The following ZNF699 variants were observed in gnomAD, a reference collection of about 807,000 sequenced individuals.
The protein encoded by ZNF699 is zinc finger protein 699.
In ZNF699, 18 loss-of-function variants were observed where a neutral mutation model predicts 22.5. That is an observed-to-expected ratio of 0.80 (90% confidence interval 0.55 to 1.19). ZNF699 has a LOEUF of 1.19. ZNF699 is among the 50% of genes most tolerant of loss of function. ZNF699 has a pLI of 0.00. For missense variants in ZNF699, 670 were observed against 763.4 expected, an observed-to-expected ratio of 0.88 and a Z score of 1.44; for synonymous variants, 241 against 262.3, an observed-to-expected ratio of 0.92 and a Z score of 0.78.
rs776819796 is a variant in ZNF699, at chr19:9,296,035, T to C, written c.1369A>G (p.Ser457Gly). ...YECKECGKAF[S>G]CPSSFRAHVR... ...TGTGCTCTAAAGGACGAGGGACAACTAAAGGCCTTCCCACATTCCTTACAT... is the reference window on the plus strand; with the variant it reads ...TGTGCTCTAAAGGACGAGGGACAACCAAAGGCCTTCCCACATTCCTTACAT... The change falls in exon 6 of 6, where the codon AGT (serine) becomes GGT (glycine). Residue 457 changes from serine (S) to glycine (G), a missense_variant. Physicochemically the swap from Ser to Gly is moderately conservative, Grantham distance 56. Coordinates refer to ENST00000591998, the MANE Select transcript of ZNF699 (RefSeq NM_198535.3). 3.7e-6 allele frequency: 6 copies of C among 1,613,262 alleles called. No homozygotes were observed. Among genetic ancestry groups the C allele is most frequent in the Non-Finnish European group, 4.2e-6 (5 of 1,179,740 alleles).
In ZNF699 at chr19:9,309,588, C is replaced by G. The variant is rs2066339803; in HGVS notation, c.-244G>C. 1 of 152,408 alleles carries G rather than the reference C, an allele frequency of 6.6e-6. No individual in the cohort carries two copies. Among genetic ancestry groups the G allele is most frequent in the Non-Finnish European group, 1.5e-5 (1 of 68,188 alleles). 9.4% of individuals were successfully genotyped at this position (152,408 alleles called of 1,614,324 possible). A position where few individuals can be genotyped will look rare whatever the true frequency, so the allele number is the denominator to read the frequency against. On this transcript the variant is annotated 5_prime_UTR_variant, in exon 1 of 6. Coordinates refer to ENST00000591998, the MANE Select transcript of ZNF699 (RefSeq NM_198535.3). ...TTGGGACCAGCCGCGGCCACAGGGGCAGCTGACCCGGGCTCTCTGAGGAGG... is the reference window on the plus strand; with the variant it reads ...TTGGGACCAGCCGCGGCCACAGGGGGAGCTGACCCGGGCTCTCTGAGGAGG...
At chr19:9,300,706 T>C (rs1345135915) in intron 3 of ZNF699, among the ~76,000 whole-genome samples, 2 of 152,230 alleles carry the variant, frequency 1.3e-5, no homozygotes, top group Non-Finnish European at 2.9e-5. Context: ...ACATACTGCA[T>C]GATTCCAACT....
chr19:9,295,853 G>A lies in ZNF699; in HGVS notation c.1551C>T (p.His517=), dbSNP rs771805769. 3 of 1,614,006 alleles carry A rather than the reference G, an allele frequency of 1.9e-6. No individual in the cohort carries two copies. Among genetic ancestry groups the A allele is most frequent in the South Asian group, 2.2e-5 (2 of 91,070 alleles). ...TGTGAGTTCTGATATGTACTGTAAG[G>A]TGGGAGGAACTAATAAAGGCTTTCC... ...ECGKAFISSS[H]LTVHIRTHTG... The change falls in exon 6 of 6, where the codon CAC becomes CAT. Residue 517 remains histidine, a synonymous_variant. Transcript: ENST00000591998.
chr19:9,297,852 C>A lies in ZNF699; in HGVS notation c.286+28G>T, dbSNP rs767700729. The A allele has an allele frequency of 2.6e-6, 4 of 1,557,534 alleles. No individual in the cohort carries two copies. In the East Asian group the frequency reaches 6.7e-5, roughly 26 times the overall value. ...CTTTAAGTTTATTTTTTCCCCCAAC[C>A]AAAACAGTTTCTCCCAAGGGTTCTT... On this transcript the variant is annotated intron_variant, in intron 4 of 5. Coordinates refer to ENST00000591998, the MANE Select transcript of ZNF699 (RefSeq NM_198535.3). This position sits in a 1 kb window ranked among gnomAD's most constrained non-coding sequence, Gnocchi z 4.3.
In ZNF699 at chr19:9,295,665, ATTC is replaced by A. The variant is rs759966706; in HGVS notation, c.1736_1738del (p.Arg579del). 1 of 1,613,430 alleles carries A rather than the reference ATTC, an allele frequency of 6.2e-7. No homozygotes were observed. The highest frequency in any genetic ancestry group is 8.5e-7 in the Non-Finnish European group (1 of 1,179,856). On this transcript the variant is annotated inframe_deletion, in exon 6 of 6. Transcript: ENST00000591998. Reference sequence around the variant, plus strand: ...TTCAAAGGGTTTCTCTCCAGTGTGCATTCTTGCATGTACAGTAAGGTATGAAGA... The same window carrying A: ...TTCAAAGGGTTTCTCTCCAGTGTGCATTGCATGTACAGTAAGGTATGAAGA...
At chr19:9,307,022 G>C (rs775457694) in intron 1 of ZNF699, among the ~76,000 whole-genome samples, 3 of 152,092 alleles carry the variant, frequency 2.0e-5, no homozygotes, top group Non-Finnish European at 2.9e-5. Flanking sequence ...CCAAAATGGC[G>C]AAACCCTGTC....
chr19:9,301,560 C>A (rs143344168), intron 3 of ZNF699, among the ~76,000 whole-genome samples: 1 of 152,172 alleles, frequency 6.6e-6, no homozygotes, highest in Non-Finnish European at 1.5e-5. Flanking sequence ...ACTAATACAG[C>A]CTGCTTCCAT....
At chr19:9,303,881 G>A (rs1015398492) in intron 2 of ZNF699, among the ~76,000 whole-genome samples, 3 of 151,186 alleles carry the variant, frequency 2.0e-5, no homozygotes, top group Non-Finnish European at 2.9e-5. Context: ...GCAGTGGCGC[G>A]ATCTCGGCTC....
In ZNF699 at chr19:9,303,745, G is replaced by A. The variant is rs1594677; in HGVS notation, c.49-1241C>T. Among the ~76,000 whole-genome samples, 1,149 of 151,968 alleles carry A rather than the reference G, an allele frequency of 7.6e-3. 12 individuals are homozygous for A. The highest frequency in any genetic ancestry group is 0.026 in the African/African-American group (1,058 of 41,422). On this transcript the variant is annotated intron_variant, in intron 2 of 5. Transcript: ENST00000591998. ...ACCATCTCATGAGCACACAAAAGAC[G>A]CTCTTATTGCTCTAGAGATTACAAG... is the stretch of plus-strand genomic sequence containing the variant.
Position 9,293,928 on chromosome 19 carries a change from TAA to T in ZNF699, c.*1545_*1546del, listed in dbSNP as rs144833884. 1.8e-4 allele frequency among the ~76,000 whole-genome samples: 25 copies of T among 142,770 alleles called. No individual in the cohort carries two copies. Among genetic ancestry groups the T allele is most frequent in the Non-Finnish European group, 1.7e-4 (11 of 65,796 alleles). The allele number at this position is 142,770 out of a possible 152,430, so 93.7% of individuals were successfully genotyped here. ...CTGAAGCAATTCATCTTCTTACATT[TAA>T]AAAAAAAAAAAAAGCAGTAAAATCT... On this transcript the variant is annotated 3_prime_UTR_variant, in exon 6 of 6. Transcript: ENST00000591998.
chr19:9,303,872 CA>C (rs1168264795), intron 2 of ZNF699, among the ~76,000 whole-genome samples: 5 of 151,142 alleles, frequency 3.3e-5, no homozygotes, highest in African/African-American at 1.2e-4. Context: ...GGCTGGAGTG[CA>C]GTGGCGCGAT....
At position 9,295,377 on chromosome 19, in the gene ZNF699, T is replaced by C. The variant is rs2066280346; in HGVS notation, c.*98A>G. The C allele has an allele frequency of 6.9e-7, 1 of 1,458,282 alleles. No individual in the cohort carries two copies. The highest frequency in any genetic ancestry group is 9.1e-7 in the Non-Finnish European group (1 of 1,095,874). 90.3% of individuals were successfully genotyped at this position (1,458,282 alleles called of 1,614,324 possible). ...AATCTTCAAAACGATGAGCAACAATTTCCTACTTTCTTACATTCATAGGGT... is the reference window on the plus strand; with the variant it reads ...AATCTTCAAAACGATGAGCAACAATCTCCTACTTTCTTACATTCATAGGGT... On this transcript the variant is annotated 3_prime_UTR_variant, in exon 6 of 6. Transcript: ENST00000591998.
chr19:9,297,674 G>A lies in ZNF699; in HGVS notation c.287-195C>T, dbSNP rs917091511. ...AACAGAAATTGGATAAAATGCACAT[G>A]ACCAAATGCCAACTTACAAAGAGGA... On this transcript the variant is annotated intron_variant, in intron 4 of 5. Coordinates refer to ENST00000591998, the MANE Select transcript of ZNF699 (RefSeq NM_198535.3). This position sits in a 1 kb window ranked among gnomAD's most constrained non-coding sequence, Gnocchi z 4.3. 2.6e-5 allele frequency among the ~76,000 whole-genome samples: 4 copies of A among 152,248 alleles called. No homozygotes were observed. Among genetic ancestry groups the A allele is most frequent in the Non-Finnish European group, 5.9e-5 (4 of 68,010 alleles).
rs555966103 is a variant in ZNF699 at position 9,295,331 on chromosome 19, G to A, written c.*144C>T. 6.8e-6 allele frequency: 7 copies of A among 1,033,040 alleles called. No individual in the cohort carries two copies. The highest frequency in any genetic ancestry group is 3.2e-4 in the Middle Eastern group (1 of 3,090). 64.0% of individuals were successfully genotyped at this position (1,033,040 alleles called of 1,614,324 possible). A position where few individuals can be genotyped will look rare whatever the true frequency, so the allele number is the denominator to read the frequency against. ...TTTAGCACATGACTTACATACACAG[G>A]GTTTCTCTAAAGTGTCCTCAAATCT... On this transcript the variant is annotated 3_prime_UTR_variant, in exon 6 of 6. Transcript: ENST00000591998.
At chr19:9,304,402 C>T (rs1411088986) in intron 2 of ZNF699, among the ~76,000 whole-genome samples, 1 of 151,362 alleles carries the variant, frequency 6.6e-6, no homozygotes, top group Non-Finnish European at 1.5e-5. Flanking sequence ...TTCCCCCTCA[C>T]AAAACTGAGA....
At chr19:9,301,549 A>G (rs2066307206) in intron 3 of ZNF699, among the ~76,000 whole-genome samples, 1 of 152,216 alleles carries the variant, frequency 6.6e-6, no homozygotes, top group Admixed American at 6.5e-5. Flanking sequence ...AGGTCTAGGA[A>G]ACTAATACAG....
intron 1 of ZNF699, among the ~76,000 whole-genome samples, chr19:9,306,391 C>CAA (rs145368969): frequency 9.7e-4 from 136 of 139,512 alleles, no homozygotes; most frequent in Middle Eastern, 7.4e-3. Flanking sequence ...GACTCCATCT[C>CAA]AAAAAAAAAA....
rs2066273067 is a variant in ZNF699, at chr19:9,293,332, A to G, written c.*2143T>C. Among the ~76,000 whole-genome samples the G allele has an allele frequency of 1.3e-5, 2 of 152,152 alleles. No individual in the cohort carries two copies. The highest frequency in any genetic ancestry group is 4.1e-4 in the South Asian group (2 of 4,828). ...TGTGAAACAACTGGAACTTTCATGCATTGTTTTGGGGATTATTCGTGGAAT... is the reference window on the plus strand; with the variant it reads ...TGTGAAACAACTGGAACTTTCATGCGTTGTTTTGGGGATTATTCGTGGAAT... On this transcript the variant is annotated 3_prime_UTR_variant, in exon 6 of 6. Transcript: ENST00000591998.
chr19:9,295,872 G>A lies in ZNF699; in HGVS notation c.1532C>T (p.Ala511Val). The A allele has an allele frequency of 1.2e-6, 2 of 1,614,096 alleles. No homozygotes were observed. The highest frequency in any genetic ancestry group is 1.7e-6 in the Non-Finnish European group (2 of 1,180,010). Residue 511 changes from alanine (A) to valine (V), a missense_variant, in exon 6 of 6, where the codon GCC (alanine) becomes GTC (valine). Physicochemically the swap from Ala to Val is moderately conservative, Grantham distance 64. Transcript: ENST00000591998. ...KPYECKECGK[A>V]FISSSHLTVH... ...TGTAAGGTGGGAGGAACTAATAAAG[G>A]CTTTCCCACATTCTTTACATTCATA...
Sources: gnomAD v4.1 joint callset for allele counts (sites outside exome capture counted in the v4.1 genomes callset) on GRCh38, gnomAD v4.1.1 for gene constraint, Gnocchi (gnomAD v3.1) non-coding constraint, MANE v1.5 for transcripts, NCBI Gene and HGNC (gene_info 2026-07-23, HGNC 2026-07-21) for gene names.